Variants in AREL1 observed in about 807,000 individuals in gnomAD.
The protein encoded by AREL1 is apoptosis resistant E3 ubiquitin protein ligase 1.
A neutral mutation model predicts 99.0 loss-of-function variants in AREL1; 62 were observed. The ratio of observed to expected loss-of-function variants is 0.63; its 90% CI spans 0.51 to 0.77. The LOEUF (loss-of-function observed/expected upper bound fraction) is 0.77. Among genes scored for constraint, AREL1 ranks in the 30% least tolerant of loss-of-function variants. The pLI, the probability that AREL1 is intolerant of heterozygous loss-of-function variation, is 0.00. For missense variants in AREL1, 879 were observed against 1,027.6 expected, an observed-to-expected ratio of 0.86 and a Z score of 1.98; for synonymous variants, 380 against 376.5, an observed-to-expected ratio of 1.01 and a Z score of -0.11.
At chr14:74,697,713 C>T (rs925660176) in intron 1 of AREL1, among the ~76,000 whole-genome samples, 12 of 152,316 alleles carry the variant, frequency 7.9e-5, no homozygotes, top group Admixed American at 3.3e-4. Context: ...TGATCCCCAA[C>T]GATCTGGTAA....
intron 1 of AREL1, 53 bp downstream of exon 1, chr14:74,712,880 T>C (rs1228603536): frequency 3.1e-5 from 17 of 550,708 alleles, no homozygotes; most frequent in Admixed American, 7.7e-5. Context: ...TCTCTGGAAC[T>C]CTGGTAAAGG....
intron 9 of AREL1, 26 bp downstream of exon 9, chr14:74,674,008 T>A (rs2139882615): frequency 6.3e-7 from 1 of 1,579,526 alleles, no homozygotes; most frequent in East Asian, 2.2e-5. Flanking sequence ...ATGCTTGATG[T>A]GAACCAGATG....
chr14:74,665,098 A>C, intron 17 of AREL1, 173 bp from the exon 18 acceptor site: 2 of 518,286 alleles, frequency 3.9e-6, no homozygotes, highest in South Asian at 4.4e-5. Flanking sequence ...ATTACATACA[A>C]CAGGGCAATA....
intron 15 of AREL1, among the ~76,000 whole-genome samples, chr14:74,668,986 T>A (rs2089269383): frequency 1.3e-5 from 2 of 152,142 alleles, no homozygotes; most frequent in South Asian, 4.1e-4. Flanking sequence ...CAAGCGATGT[T>A]CCAGCTTCAG....
chr14:74,693,093 T>C (rs751719515), intron 1 of AREL1, among the ~76,000 whole-genome samples: 1 of 151,926 alleles, frequency 6.6e-6, no homozygotes, highest in Non-Finnish European at 1.5e-5. Flanking sequence ...CAGCACAGGG[T>C]CTGGAGCAAC....
chr14:74,699,892 T>C (rs2090051298), intron 1 of AREL1, among the ~76,000 whole-genome samples: 1 of 152,194 alleles, frequency 6.6e-6, no homozygotes, highest in South Asian at 2.1e-4. Context: ...ACAAGGAGAA[T>C]TGCTTGAGAC....
At chr14:74,705,773 C>T (rs1213104854) in intron 1 of AREL1, among the ~76,000 whole-genome samples, 1 of 152,222 alleles carries the variant, frequency 6.6e-6, no homozygotes, top group Non-Finnish European at 1.5e-5. Flanking sequence ...GCACCATTCT[C>T]TCTAAAACAA....
Position 74,670,093 on chromosome 14 carries a change from G to A in AREL1, c.1642C>T (p.Arg548Cys), listed in dbSNP as rs1319027008. The A allele has an allele frequency of 6.8e-6, 11 of 1,612,700 alleles. No homozygotes were observed. The highest frequency in any genetic ancestry group is 9.3e-6 in the Non-Finnish European group (11 of 1,179,186). Reference protein sequence around the residue: ...HPNPNRPAHLRLKMYEFAGRL... With the variant: ...HPNPNRPAHLCLKMYEFAGRL... ...CCCGCAAACTCATACATTTTCAGGC[G>A]CAGATGAGCGGGGCGATTAGGGTTG... The change falls in exon 14 of 20, where the codon CGC becomes TGC. Residue 548 changes from arginine to cysteine, a missense_variant. Physicochemically the swap from Arg to Cys is radical, Grantham distance 180 (BLOSUM62 -3). Coordinates refer to ENST00000356357, the MANE Select transcript of AREL1 (RefSeq NM_001039479.2).
At chr14:74,706,437 T>C (rs1339605760) in intron 1 of AREL1, among the ~76,000 whole-genome samples, 1 of 152,214 alleles carries the variant, frequency 6.6e-6, no homozygotes, top group Non-Finnish European at 1.5e-5. Flanking sequence ...GAAAATAAAT[T>C]ATTTATATAA....
chr14:74,692,426 A>G, intron 1 of AREL1, 98 bp from the exon 2 acceptor site: 1 of 352,586 alleles, frequency 2.8e-6, no homozygotes, highest in Non-Finnish European at 5.5e-6. Flanking sequence ...CAGGCAGTGG[A>G]AACCCTGGGA....
Position 74,676,800 on chromosome 14 carries a change from ATTTTT to A in AREL1, c.482-53_482-49del, listed in dbSNP as rs1381824295. 14 of 1,393,384 alleles carry A rather than the reference ATTTTT, an allele frequency of 1.0e-5. No individual in the cohort carries two copies. The African/African-American group carries it at 2.1e-4, about 21-fold the overall frequency. 86.3% of individuals were successfully genotyped at this position (1,393,384 alleles called of 1,614,324 possible). On this transcript the variant is annotated intron_variant, in intron 5 of 19. Transcript: ENST00000356357. ...TAACATTTATTTATTTTATTTTTTTATTTTTATTTTTTTTGAGATGGAGTCTCGCT... is the reference window on the plus strand; with the variant it reads ...TAACATTTATTTATTTTATTTTTTTAATTTTTTTTGAGATGGAGTCTCGCT...
chr14:74,689,592 CTT>C (rs1057362002), intron 2 of AREL1, among the ~76,000 whole-genome samples: 15 of 98,542 alleles, frequency 1.5e-4, no homozygotes, highest in East Asian at 5.7e-4. Context: ...TAGCACTTTT[CTT>C]TTTTTTTTTT....
At chr14:74,687,842 A>G (rs2139931903) in intron 2 of AREL1, among the ~76,000 whole-genome samples, 1 of 152,214 alleles carries the variant, frequency 6.6e-6, no homozygotes, top group East Asian at 1.9e-4. Context: ...CTACTGGCCC[A>G]CACTTTCTTC....
At chr14:74,705,536 C>A (rs1485215892) in intron 1 of AREL1, among the ~76,000 whole-genome samples, 2 of 152,156 alleles carry the variant, frequency 1.3e-5, no homozygotes, top group African/African-American at 4.8e-5. Context: ...AGAACATGCA[C>A]CTTGAAGTTA....
intron 1 of AREL1, among the ~76,000 whole-genome samples, chr14:74,703,043 C>T (rs1412226010): frequency 6.6e-6 from 1 of 152,242 alleles, no homozygotes; most frequent in Non-Finnish European, 1.5e-5. Context: ...GTTCTAACCT[C>T]TGCCTGTTAC....
At chr14:74,695,075 T>C (rs967434833) in intron 1 of AREL1, among the ~76,000 whole-genome samples, 11 of 148,280 alleles carry the variant, frequency 7.4e-5, no homozygotes, top group Non-Finnish European at 6.0e-5. Context: ...TTTCCTTCTT[T>C]TTTTTTTTTT....
intron 1 of AREL1, chr14:74,712,058 AAAAAAAAAAG>A (rs2090313067): frequency 1.3e-3 from 71 of 54,274 alleles, no homozygotes; most frequent in African/African-American, 5.3e-3. Flanking sequence ...AAAAAAAAAA[AAAAAAAAAAG>A]AAAAAAAAAG....
chr14:74,710,977 A>G (rs1440769390), intron 1 of AREL1, among the ~76,000 whole-genome samples: 2 of 152,198 alleles, frequency 1.3e-5, no homozygotes, highest in Non-Finnish European at 2.9e-5. Context: ...CACGCCTGTA[A>G]TCCCAGCACT....
intron 9 of AREL1, 27 bp from the exon 10 acceptor site, chr14:74,673,245 TC>T: frequency 6.2e-7 from 1 of 1,611,614 alleles, no homozygotes; most frequent in Non-Finnish European, 8.5e-7. Flanking sequence ...AAGAAATTAA[TC>T]TATAAAACCC....
Sources: allele counts gnomAD v4.1 joint callset (sites outside exome capture counted in the v4.1 genomes callset), GRCh38; gene constraint gnomAD v4.1.1; transcripts MANE v1.5; gene names NCBI Gene and HGNC (gene_info 2026-07-23, HGNC 2026-07-21).